ROBO2: variants seen among roughly 807,000 people sequenced by gnomAD.
ROBO2 encodes roundabout homolog 2.
A neutral mutation model predicts 160.8 loss-of-function variants in ROBO2; 53 were observed. That is an observed-to-expected ratio of 0.33 (90% CI 0.26 to 0.41). The LOEUF is 0.41. Ranked by LOEUF, ROBO2 falls within the 10% of genes least tolerant of loss-of-function variation. The pLI is 1.00. For missense variants in ROBO2, 1,577 were observed against 1,722.4 expected (o/e 0.92, Z 1.49); for synonymous variants, 664 against 611.7 (o/e 1.09, Z -1.26).
At chr3:77,457,233 A>G (rs1369834422) in intron 2 of ROBO2, among the ~76,000 whole-genome samples, 1 of 152,100 alleles carries the variant, frequency 6.6e-6, no homozygotes, top group Non-Finnish European at 1.5e-5. Context: ...ACTGTCAGAA[A>G]CAGGTGATTT....
At chr3:77,241,403 T>C (rs796395997) in intron 2 of ROBO2, among the ~76,000 whole-genome samples, 12 of 152,362 alleles carry the variant, frequency 7.9e-5, no homozygotes, top group African/African-American at 2.6e-4. Flanking sequence ...ACTCAAACTA[T>C]AAACTACACA....
chr3:77,146,808 A>G (rs903644559), intron 2 of ROBO2, among the ~76,000 whole-genome samples: 1 of 152,084 alleles, frequency 6.6e-6, no homozygotes, highest in Non-Finnish European at 1.5e-5. Context: ...CTCTACTAAA[A>G]GCATAAAAAA....
intron 2 of ROBO2, among the ~76,000 whole-genome samples, chr3:77,126,396 G>T (rs1312577657): frequency 6.6e-6 from 1 of 152,148 alleles, no homozygotes; most frequent in Non-Finnish European, 1.5e-5. Context: ...TCACAAATCA[G>T]ATTTACAGAT....
intron 2 of ROBO2, among the ~76,000 whole-genome samples, chr3:76,738,001 G>A (rs543872547): frequency 6.9e-4 from 105 of 152,162 alleles, no homozygotes; most frequent in Admixed American, 1.1e-3. Context: ...GGGTGGGATG[G>A]CACATGCCTG....
intron 5 of ROBO2, among the ~76,000 whole-genome samples, chr3:77,521,449 T>A (rs1289395496): frequency 6.6e-6 from 1 of 151,264 alleles, no homozygotes; most frequent in African/African-American, 2.4e-5. Context: ...CAATAAGTTT[T>A]CAAAAAGGCA....
chr3:77,108,275 T>TATATATGTATACACATATGC (rs1560026142), intron 2 of ROBO2, among the ~76,000 whole-genome samples: 63 of 61,236 alleles, frequency 1.0e-3, no homozygotes, highest in Admixed American at 1.6e-3. Context: ...CACATATGCA[T>TATATATGTATACACATATGC]ATATATATAT....
intron 2 of ROBO2, among the ~76,000 whole-genome samples, chr3:76,712,653 C>T (rs1208537863): frequency 2.0e-5 from 3 of 150,562 alleles, no homozygotes; most frequent in Non-Finnish European, 4.4e-5. Context: ...CCAGCCTGGG[C>T]GGCACAGTGA....
rs773974972 is a variant in ROBO2 at position 77,596,662 on chromosome 3, A to G, written c.2766A>G (p.Pro922=). The change falls in exon 19 of 26, where the codon CCA becomes CCG. Residue 922 remains proline (P), a synonymous_variant. Transcript: ENST00000461745. ...TCAATGCTGGTGATCCCAGCTATCC[A>G]TGGCTTGCTGATTCTTGGCCAGCCA... The G allele has an allele frequency of 4.3e-6, 7 of 1,613,854 alleles. No individual in the cohort carries two copies. The African/African-American group carries it at 6.7e-5, about 15-fold the overall frequency.
intron 2 of ROBO2, among the ~76,000 whole-genome samples, chr3:76,774,553 T>C (rs2062114473): frequency 1.3e-5 from 2 of 150,866 alleles, no homozygotes; most frequent in South Asian, 2.1e-4. Context: ...TTAATTCCCT[T>C]AAATTAGTAA....
intron 2 of ROBO2, among the ~76,000 whole-genome samples, chr3:77,248,331 T>C (rs2089965568): frequency 6.6e-6 from 1 of 152,062 alleles, no homozygotes. Context: ...GCCACGAGTG[T>C]GGGTGCAAAA....
At chr3:76,316,712 T>C (rs1473124272) in intron 2 of ROBO2, among the ~76,000 whole-genome samples, 2 of 152,204 alleles carry the variant, frequency 1.3e-5, no homozygotes, top group African/African-American at 2.4e-5. Flanking sequence ...TAAATGTCTA[T>C]GAAATCTTCA....
intron 2 of ROBO2, among the ~76,000 whole-genome samples, chr3:76,722,662 C>T (rs116232079): frequency 0.011 from 1,697 of 152,304 alleles, 38 homozygotes; most frequent in African/African-American, 0.039. Flanking sequence ...TACATTCTAT[C>T]GCCACAGTTG....
At chr3:77,102,648 T>A (rs1007815832) in intron 2 of ROBO2, among the ~76,000 whole-genome samples, 1 of 152,200 alleles carries the variant, frequency 6.6e-6, no homozygotes, top group Non-Finnish European at 1.5e-5. Flanking sequence ...AAATGTGGAA[T>A]GTTATTGATA....
At chr3:76,208,438 C>T (rs929095735) in intron 2 of ROBO2, among the ~76,000 whole-genome samples, 1 of 152,060 alleles carries the variant, frequency 6.6e-6, no homozygotes, top group African/African-American at 2.4e-5. Context: ...CTCAAAAGTA[C>T]TCTAAATTCT....
intron 2 of ROBO2, among the ~76,000 whole-genome samples, chr3:76,105,697 C>T (rs1203254167): frequency 6.6e-6 from 1 of 152,006 alleles, no homozygotes; most frequent in Non-Finnish European, 1.5e-5. Flanking sequence ...CCTACACGTT[C>T]ATTAGAAGGA....
At chr3:77,098,711 T>G (rs1279519936) in intron 2 of ROBO2, among the ~76,000 whole-genome samples, 1 of 151,574 alleles carries the variant, frequency 6.6e-6, no homozygotes, top group Non-Finnish European at 1.5e-5. Context: ...AAAAAAATTA[T>G]CCGGGCATGG....
intron 2 of ROBO2, among the ~76,000 whole-genome samples, chr3:76,508,976 A>C (rs191234643): frequency 6.6e-6 from 1 of 152,288 alleles, no homozygotes; most frequent in East Asian, 1.9e-4. Flanking sequence ...GCATATGTAG[A>C]TATGTGAATC....
At chr3:76,033,625 A>C (rs142659216) in intron 2 of ROBO2, among the ~76,000 whole-genome samples, 1 of 152,336 alleles carries the variant, frequency 6.6e-6, no homozygotes, top group South Asian at 2.1e-4. Flanking sequence ...CCAAAGCTTA[A>C]TGACTTCAAA....
chr3:76,890,504 T>TC (rs1293223998), intron 2 of ROBO2, among the ~76,000 whole-genome samples: 1 of 152,176 alleles, frequency 6.6e-6, no homozygotes, highest in Non-Finnish European at 1.5e-5. Flanking sequence ...TAGCTGTCTG[T>TC]CCCAGAAGAG....
Sources: gnomAD v4.1 joint callset for allele counts (sites outside exome capture counted in the v4.1 genomes callset) on GRCh38, gnomAD v4.1.1 for gene constraint, MANE v1.5 for transcripts, NCBI Gene and HGNC (gene_info 2026-07-23, HGNC 2026-07-21) for gene names.